C12orf54: variants seen among roughly 807,000 people sequenced by gnomAD.
The protein encoded by C12orf54 is uncharacterized protein C12orf54.
C12orf54 carries 24 observed loss-of-function variants against 26.4 expected under a neutral mutation model. That is an observed-to-expected ratio of 0.91 (90% confidence interval 0.66 to 1.28). The LOEUF (loss-of-function observed/expected upper bound fraction) is 1.28, where lower values mean the gene tolerates loss of function less well. Among genes scored for constraint, C12orf54 ranks in the 50% most tolerant of loss-of-function variants. The pLI, the probability that C12orf54 is intolerant of heterozygous loss-of-function variation, is 0.00. For missense variants in C12orf54, 154 were observed against 150.9 expected, an observed-to-expected ratio of 1.02 and a Z score of -0.11; for synonymous variants, 54 against 47.0, an observed-to-expected ratio of 1.15 and a Z score of -0.61.
the C12orf54 span, among the ~76,000 whole-genome samples, chr12:48,428,707 C>A: frequency 6.6e-6 from 1 of 151,962 alleles, no homozygotes; most frequent in African/African-American, 2.4e-5. Flanking sequence ...AGTCCAGGAC[C>A]AGGCAGAATC....
At chr12:48,450,267 GA>G in the C12orf54 span, among the ~76,000 whole-genome samples, 1 of 152,138 alleles carries the variant, frequency 6.6e-6, no homozygotes, top group Non-Finnish European at 1.5e-5. Context: ...CAGAAATCAA[GA>G]AGTCTTTTGA....
chr12:48,438,733 A>T, the C12orf54 span, among the ~76,000 whole-genome samples: 2 of 152,208 alleles, frequency 1.3e-5, no homozygotes, highest in African/African-American at 2.4e-5. Context: ...TCCCTTCCTT[A>T]CATCTTATAC....
chr12:48,494,679 A>G, intron 7 of C12orf54, 119 bp from the exon 8 acceptor site: 1 of 1,101,002 alleles, frequency 9.1e-7, no homozygotes, highest in South Asian at 1.5e-5. Flanking sequence ...AGAGCCTGAG[A>G]TGCCCATTCT....
the C12orf54 span, among the ~76,000 whole-genome samples, chr12:48,416,071 A>G: frequency 6.6e-6 from 1 of 152,212 alleles, no homozygotes; most frequent in African/African-American, 2.4e-5. Flanking sequence ...CTTCCAAAAC[A>G]TATTCCAAAT....
rs201173358 is a variant in C12orf54 at position 48,483,250 on chromosome 12, T to C, written c.-47T>C. ...TTTATGCCTCTCCAGGGCCTGGAGCTATCTCCATCTTCAGCTCCAGAGTCC... is the reference window on the plus strand; with the variant it reads ...TTTATGCCTCTCCAGGGCCTGGAGCCATCTCCATCTTCAGCTCCAGAGTCC... On this transcript the variant is annotated 5_prime_UTR_variant, in exon 2 of 9. Transcript: ENST00000548364. The C allele has an allele frequency of 3.8e-6, 6 of 1,561,490 alleles. No individual in the cohort carries two copies. In the African/African-American group the frequency reaches 8.1e-5, roughly 21 times the overall value.
chr12:48,418,462 T>A, the C12orf54 span, among the ~76,000 whole-genome samples: 1 of 152,190 alleles, frequency 6.6e-6, no homozygotes, highest in African/African-American at 2.4e-5. Context: ...AAGTTGCCTT[T>A]ATGTCAGACA....
chr12:48,464,018 G>A, the C12orf54 span, among the ~76,000 whole-genome samples: 2 of 151,632 alleles, frequency 1.3e-5, no homozygotes, highest in Admixed American at 1.3e-4. Context: ...CTTGAAAACA[G>A]GCACAAGGAT....
At chr12:48,456,433 T>C in the C12orf54 span, among the ~76,000 whole-genome samples, 224 of 152,260 alleles carry the variant, frequency 1.5e-3, no homozygotes, top group African/African-American at 4.9e-3. Flanking sequence ...AAGCAAGTCT[T>C]AGAACGAGGA....
chr12:48,492,749 T>C (rs1937818907), intron 6 of C12orf54, 198 bp from the exon 7 acceptor site: 1 of 591,942 alleles, frequency 1.7e-6, no homozygotes, highest in Non-Finnish European at 3.1e-6. Context: ...CATGATCCGC[T>C]CTGCTTCACA....
At chr12:48,480,999 A>T (rs1954192694), upstream of C12orf54, among the ~76,000 whole-genome samples, 2 of 152,170 alleles carry the variant, frequency 1.3e-5, no homozygotes, top group Admixed American at 6.5e-5. Flanking sequence ...CTCACCTGTA[A>T]GTGGAAGCTA....
the C12orf54 span, among the ~76,000 whole-genome samples, chr12:48,430,538 AC>A: frequency 6.6e-6 from 1 of 152,200 alleles, no homozygotes; most frequent in African/African-American, 2.4e-5. Flanking sequence ...TGGCCAAAAA[AC>A]ATATGAAAAT....
At chr12:48,476,994 A>T in the C12orf54 span, among the ~76,000 whole-genome samples, 1 of 152,206 alleles carries the variant, frequency 6.6e-6, no homozygotes, top group Non-Finnish European at 1.5e-5. Context: ...ACATAGTTGG[A>T]AGTAAAGCAC....
the C12orf54 span, among the ~76,000 whole-genome samples, chr12:48,430,346 C>T: frequency 6.6e-6 from 1 of 152,058 alleles, no homozygotes; most frequent in African/African-American, 2.4e-5. Context: ...GCAAAAGGAA[C>T]AGTGAGCAGA....
chr12:48,430,998 C>A, the C12orf54 span, among the ~76,000 whole-genome samples: 3 of 152,184 alleles, frequency 2.0e-5, no homozygotes, highest in Non-Finnish European at 4.4e-5. Context: ...GCATTCACAG[C>A]AACCTGGGTG....
At chr12:48,472,758 G>T in the C12orf54 span, 25 of 1,614,008 alleles carry the variant, frequency 1.5e-5, no homozygotes, top group Non-Finnish European at 2.1e-5. Flanking sequence ...GTCAAATGAA[G>T]GCAAATTGGA....
chr12:48,464,495 C>G, the C12orf54 span, among the ~76,000 whole-genome samples: 2 of 152,044 alleles, frequency 1.3e-5, no homozygotes. Flanking sequence ...GCCATACTGC[C>G]TAAAGTAATT....
chr12:48,447,008 G>C, the C12orf54 span, among the ~76,000 whole-genome samples: 3 of 152,068 alleles, frequency 2.0e-5, no homozygotes, highest in Non-Finnish European at 4.4e-5. Flanking sequence ...TTTTCTCTTA[G>C]TGCAAGTCTT....
At chr12:48,473,437 A>G in the C12orf54 span, 4 of 640,178 alleles carry the variant, frequency 6.2e-6, no homozygotes, top group Middle Eastern at 2.7e-4. Flanking sequence ...ATTTTGAAAA[A>G]TTCCTTTTGT....
chr12:48,479,717 T>A (rs1954179132), upstream of C12orf54, among the ~76,000 whole-genome samples: 2 of 152,062 alleles, frequency 1.3e-5, no homozygotes, highest in Admixed American at 1.3e-4. Context: ...TGCTTTTGTG[T>A]CCCTCTCTGG....
Sources: allele counts gnomAD v4.1 joint callset (sites outside exome capture counted in the v4.1 genomes callset), GRCh38; gene constraint gnomAD v4.1.1; transcripts MANE v1.5; gene names NCBI Gene and HGNC (gene_info 2026-07-23, HGNC 2026-07-21).